CEMIP: variants seen among roughly 807,000 people sequenced by gnomAD.
The protein encoded by CEMIP is cell migration-inducing and hyaluronan-binding protein.
CEMIP carries 105 observed loss-of-function variants against 156.9 expected under a neutral mutation model. The observed-to-expected ratio is 0.67, with a 90% CI of 0.57 to 0.79. The LOEUF (loss-of-function observed/expected upper bound fraction) is 0.79, where lower values mean the gene tolerates loss of function less well. Among genes scored for constraint, CEMIP ranks in the 30% least tolerant of loss-of-function variants. CEMIP has a pLI of 0.00. For missense variants in CEMIP, 1,457 were observed against 1,769.4 expected, an observed-to-expected ratio of 0.82 and a Z score of 3.17; for synonymous variants, 676 against 668.4, an observed-to-expected ratio of 1.01 and a Z score of -0.17.
At chr15:80,848,679 G>A (rs910143923) in intron 1 of CEMIP, among the ~76,000 whole-genome samples, 3 of 152,188 alleles carry the variant, frequency 2.0e-5, no homozygotes, top group African/African-American at 7.2e-5. Flanking sequence ...TAGATGAGAA[G>A]GGGTTCCCAG....
In CEMIP at chr15:80,932,216, G is replaced by A. The variant is rs1335269027; in HGVS notation, c.2793+177G>A. 1.3e-5 allele frequency among the ~76,000 whole-genome samples: 2 copies of A among 152,204 alleles called. No individual in the cohort carries two copies. The highest frequency in any genetic ancestry group is 1.9e-4 in the East Asian group (1 of 5,196). ...TCATCCAAACTGGAAAAGTACAAGC[G>A]TAGGTTGCCCCACAGGTCAGGTCTG... On this transcript the variant is annotated intron_variant, in intron 22 of 29. Transcript: ENST00000394685. This position sits in a 1 kb window ranked among gnomAD's most constrained non-coding sequence, Gnocchi z 4.5.
intron 3 of CEMIP, among the ~76,000 whole-genome samples, chr15:80,874,362 T>G (rs749490400): frequency 1.3e-4 from 20 of 152,168 alleles, no homozygotes; most frequent in Non-Finnish European, 2.5e-4. Context: ...TTTTGCAGGA[T>G]CTGAATTTTT....
At position 80,903,782 on chromosome 15, in the gene CEMIP, G is replaced by A. The variant is rs555732151; in HGVS notation, c.1412-2881G>A. ...GCTCTCAGGATCCACTCAGAAGCCAGTGCAAAGCTCTGTTTCAGAAAGATT... is the reference window on the plus strand; with the variant it reads ...GCTCTCAGGATCCACTCAGAAGCCAATGCAAAGCTCTGTTTCAGAAAGATT... On this transcript the variant is annotated intron_variant, in intron 12 of 29. Coordinates refer to ENST00000394685, the MANE Select transcript of CEMIP (RefSeq NM_001293298.2). Among the ~76,000 whole-genome samples, 19 of 152,334 alleles carry A rather than the reference G, an allele frequency of 1.2e-4. 1 individual carries two copies. The highest frequency in any genetic ancestry group is 4.3e-4 in the African/African-American group (18 of 41,592).
intron 8 of CEMIP, 103 bp downstream of exon 8, chr15:80,887,867 C>T: frequency 1.0e-6 from 1 of 973,592 alleles, no homozygotes; most frequent in South Asian, 1.4e-5. Context: ...CATGGCTTCC[C>T]AGCTCCCAAT....
In CEMIP at chr15:80,843,487, G is replaced by A. The variant is rs1156437175; in HGVS notation, c.-175-30051G>A. Among the ~76,000 whole-genome samples, 6 of 152,340 alleles carry A rather than the reference G, an allele frequency of 3.9e-5. No individual in the cohort carries two copies. In the East Asian group the frequency reaches 1.2e-3, roughly 29 times the overall value. ...TGACAGTTCTGGCTGGAGGGGCAGG[G>A]GGGCTGCTACACCCACTCCCACTCT... On this transcript the variant is annotated intron_variant, in intron 1 of 29. Transcript: ENST00000394685.
intron 1 of CEMIP, among the ~76,000 whole-genome samples, chr15:80,825,936 G>A (rs746152090): frequency 6.6e-6 from 1 of 152,208 alleles, no homozygotes; most frequent in African/African-American, 2.4e-5. Flanking sequence ...ATAAAGAAAA[G>A]ATTGTGGGCA....
intron 12 of CEMIP, chr15:80,900,772 T>C (rs758101813): frequency 2.9e-6 from 1 of 347,690 alleles, no homozygotes; most frequent in Non-Finnish European, 5.7e-6. Context: ...CATCTCCCTG[T>C]TGACAGGATC....
intron 24 of CEMIP, 21 bp from the exon 25 acceptor site, chr15:80,937,773 T>C: frequency 1.2e-6 from 2 of 1,613,900 alleles, no homozygotes; most frequent in Non-Finnish European, 1.7e-6. Flanking sequence ...GCTTGTAACC[T>C]GACTCTACTT....
At chr15:80,856,092 C>T (rs1462935110) in intron 1 of CEMIP, among the ~76,000 whole-genome samples, 1 of 152,226 alleles carries the variant, frequency 6.6e-6, no homozygotes, top group Admixed American at 6.5e-5. Context: ...TCTGGTATTT[C>T]TCACTTAGAA....
intron 1 of CEMIP, among the ~76,000 whole-genome samples, chr15:80,834,591 C>A (rs970766427): frequency 6.6e-6 from 1 of 152,210 alleles, no homozygotes; most frequent in Admixed American, 6.5e-5. Flanking sequence ...TGTCTATAAT[C>A]CGTGTGGCTG....
At chr15:80,902,881 G>A (rs1899629884) in intron 12 of CEMIP, among the ~76,000 whole-genome samples, 1 of 152,160 alleles carries the variant, frequency 6.6e-6, no homozygotes, top group South Asian at 2.1e-4. Context: ...CATATGCCAG[G>A]GGCTTAATTT....
chr15:80,937,790 C>A lies in CEMIP; in HGVS notation c.3222-4C>A, dbSNP rs1901184292. On this transcript the variant is annotated splice_region_variant and splice_polypyrimidine_tract_variant and intron_variant, in intron 24 of 29. Transcript: ENST00000394685. The stretch of plus-strand genomic sequence containing the variant: ...TTGTAACCTGACTCTACTTCCAATC[C>A]TAGGGGCGACTGGATCCGAGTGGGG... The A allele has an allele frequency of 1.3e-5, 21 of 1,614,130 alleles. No individual in the cohort carries two copies. The highest frequency in any genetic ancestry group is 1.8e-5 in the Non-Finnish European group (21 of 1,179,958).
intron 1 of CEMIP, among the ~76,000 whole-genome samples, chr15:80,841,290 T>G (rs1002565533): frequency 6.6e-6 from 1 of 152,216 alleles, no homozygotes; most frequent in African/African-American, 2.4e-5. Flanking sequence ...AGGCAGCCAG[T>G]TAGTGACCTC....
intron 1 of CEMIP, among the ~76,000 whole-genome samples, chr15:80,833,919 C>T (rs950987565): frequency 6.6e-6 from 1 of 152,202 alleles, no homozygotes; most frequent in African/African-American, 2.4e-5. Context: ...ATCTGCCTGC[C>T]TCAGCCTCCC....
chr15:80,792,843 T>G lies in CEMIP; in HGVS notation c.-176+13229T>G, dbSNP rs561247415. ...CTGTCAAGCTCAACACTCCATGAGA[T>G]CAGGAACTAGTCCATCTCAGTCACC... On this transcript the variant is annotated intron_variant, in intron 1 of 29. Transcript: ENST00000394685. Among the ~76,000 whole-genome samples, 3 of 152,256 alleles carry G rather than the reference T, an allele frequency of 2.0e-5. No individual in the cohort carries two copies. In the South Asian group the frequency reaches 6.2e-4, roughly 32 times the overall value.
At chr15:80,912,679 G>A (rs147122990) in intron 14 of CEMIP, among the ~76,000 whole-genome samples, 60 of 152,276 alleles carry the variant, frequency 3.9e-4, no homozygotes, top group Middle Eastern at 3.4e-3. Context: ...GCCATCCCCC[G>A]CATGGGAATT....
At chr15:80,898,124 G>A (rs1455105703) in intron 12 of CEMIP, among the ~76,000 whole-genome samples, 2 of 152,208 alleles carry the variant, frequency 1.3e-5, no homozygotes, top group East Asian at 3.8e-4. Flanking sequence ...CTATGAAGAC[G>A]TTTTGAAGAA....
chr15:80,894,520 G>A (rs1278415981), intron 10 of CEMIP, among the ~76,000 whole-genome samples: 3 of 152,190 alleles, frequency 2.0e-5, no homozygotes, highest in South Asian at 4.2e-4. Flanking sequence ...CTGCACCCCA[G>A]ACACAATCAA....
At chr15:80,867,807 AT>A (rs1898170434) in intron 1 of CEMIP, among the ~76,000 whole-genome samples, 1 of 151,870 alleles carries the variant, frequency 6.6e-6, no homozygotes, top group Non-Finnish European at 1.5e-5. Context: ...AGAGAGATGC[AT>A]TTTTCTGTCA....
Sources: gnomAD v4.1 joint callset for allele counts (sites outside exome capture counted in the v4.1 genomes callset) on GRCh38, gnomAD v4.1.1 for gene constraint, Gnocchi (gnomAD v3.1) non-coding constraint, MANE v1.5 for transcripts, NCBI Gene and HGNC (gene_info 2026-07-23, HGNC 2026-07-21) for gene names.